The following TRRAP variants were observed in gnomAD, a reference collection of about 807,000 sequenced individuals.
TRRAP encodes transformation/transcription domain associated protein, also known as transformation/transcription domain-associated protein.
In TRRAP, 41 loss-of-function variants were observed where a neutral mutation model predicts 438.8. That is an observed-to-expected ratio of 0.09 (90% CI 0.07 to 0.12). The LOEUF (loss-of-function observed/expected upper bound fraction) is 0.12, where lower values mean the gene tolerates loss of function less well. Among genes scored for constraint, TRRAP ranks in the 10% least tolerant of loss-of-function variants. TRRAP has a pLI of 1.00. For synonymous variants in TRRAP, 1,994 were observed against 1,962.9 expected (o/e 1.02, Z -0.42); for missense variants, 3,122 against 5,055.1 (o/e 0.62, Z 11.60).
chr7:98,908,578 T>C lies in TRRAP; in HGVS notation c.1116-150T>C. 1.5e-6 allele frequency: 1 copy of C among 653,550 alleles called. No homozygotes were observed. The allele number at this position is 653,550 out of a possible 1,614,324, so 40.5% of individuals were successfully genotyped here. On this transcript the variant is annotated intron_variant, in intron 13 of 72. Coordinates refer to ENST00000456197, the MANE Select transcript of TRRAP (RefSeq NM_001375524.1). The surrounding 1 kb of genome is among the most constrained non-coding windows in gnomAD (Gnocchi z 4.1). ...AACTTGAGCCCTCTTCTGTCATGTA[T>C]CTGGGAGAGAGTAATGTGGTGAAAA... is the stretch of plus-strand genomic sequence containing the variant.
intron 18 of TRRAP, among the ~76,000 whole-genome samples, chr7:98,915,338 G>A (rs982287227): frequency 6.6e-6 from 1 of 151,990 alleles, no homozygotes; most frequent in African/African-American, 2.4e-5. Context: ...GATTACCAGC[G>A]TGTGCCACCA....
chr7:98,893,902 A>T lies in TRRAP; in HGVS notation c.450+21A>T, dbSNP rs1339475695. ...AAGAAGTAAGTTGTTTAAAATCCTT[A>T]TAGCATTTATAAAGTGTGTCAACAT... On this transcript the variant is annotated intron_variant, in intron 6 of 72. Transcript: ENST00000456197. 3.7e-6 allele frequency: 6 copies of T among 1,608,672 alleles called. No individual in the cohort carries two copies. The African/African-American group carries it at 6.7e-5, about 18-fold the overall frequency.
chr7:98,900,835 A>C (rs557519492), intron 11 of TRRAP, 115 bp downstream of exon 11: 1 of 777,514 alleles, frequency 1.3e-6, no homozygotes, highest in African/African-American at 1.8e-5. Flanking sequence ...CATTACTAAC[A>C]CATCAAAATA....
At chr7:98,928,940 A>AT (rs782385931) in intron 23 of TRRAP, among the ~76,000 whole-genome samples, 1,435 of 128,000 alleles carry the variant, frequency 0.011, 25 homozygotes, top group African/African-American at 0.034. Context: ...CGCCCGGCTA[A>AT]TTTTTTTTTT....
chr7:98,900,759 G>A (rs1796434533), intron 11 of TRRAP, 39 bp downstream of exon 11: 2 of 1,540,966 alleles, frequency 1.3e-6, no homozygotes, highest in East Asian at 2.2e-5. Flanking sequence ...TATTGAGATA[G>A]TTTACATACA....
At chr7:99,004,131 A>C in intron 67 of TRRAP, 59 bp from the exon 68 acceptor site, 2 of 1,476,268 alleles carry the variant, frequency 1.4e-6, no homozygotes, top group Non-Finnish European at 9.2e-7. Context: ...CGTTTTTTGC[A>C]GTGTGTTAGA....
intron 67 of TRRAP, chr7:98,999,811 C>T (rs1304634486): frequency 1.4e-5 from 7 of 508,530 alleles, no homozygotes; most frequent in East Asian, 3.5e-5. Context: ...TGGCAAATCC[C>T]GATCGATGCT....
At chr7:98,974,515 G>T (rs1239359669) in intron 53 of TRRAP, among the ~76,000 whole-genome samples, 1 of 152,112 alleles carries the variant, frequency 6.6e-6, no homozygotes, top group African/African-American at 2.4e-5. Context: ...CCACCACGGG[G>T]TCCTCACCCC....
chr7:98,921,409 C>G (rs1789789872), intron 20 of TRRAP, among the ~76,000 whole-genome samples: 1 of 151,998 alleles, frequency 6.6e-6, no homozygotes, highest in African/African-American at 2.4e-5. Flanking sequence ...GAGTCTCGCC[C>G]TTGTCACCCG....
intron 20 of TRRAP, among the ~76,000 whole-genome samples, chr7:98,918,332 G>A (rs1277977945): frequency 6.8e-6 from 1 of 147,692 alleles, no homozygotes; most frequent in Non-Finnish European, 1.5e-5. Context: ...CCGGGTTCAA[G>A]CAATTCTTCT....
rs782657245 is a variant in TRRAP at position 98,955,236 on chromosome 7, A to G, written c.5869A>G (p.Ile1957Val). 24 of 1,614,172 alleles carry G rather than the reference A, an allele frequency of 1.5e-5. No homozygotes were observed. The highest frequency in any genetic ancestry group is 1.9e-5 in the Non-Finnish European group (23 of 1,180,002). The change falls in exon 41 of 73, where the codon ATT becomes GTT. Residue 1957 changes from isoleucine (I) to valine (V), a missense_variant. By Grantham distance (29) the Ile-to-Val change is conservative. This residue lies in a region of TRRAP where 35 missense variants were observed against 104.9 expected (regional missense o/e 0.33). Transcript: ENST00000456197. The part of the protein sequence containing the change: ...QMLTHWTRKI[I>V]VEEGHTVPQL... ...GCTGACCCACTGGACCCGGAAGATC[A>G]TTGTGGAGGAGGGGCACACCGTCCC...
chr7:99,011,383 AACG>A lies in TRRAP; in HGVS notation c.11189_11191del (p.Asp3730del). 1 of 1,614,200 alleles carries A rather than the reference AACG, an allele frequency of 6.2e-7. No individual in the cohort carries two copies. Among genetic ancestry groups the A allele is most frequent in the Middle Eastern group, 1.6e-4 (1 of 6,062 alleles). ...TGTTGCCTACTTTCGATTTGACATA[AACG>A]ACGCGACTGGAGACCTGGATGCCAA... On this transcript the variant is annotated inframe_deletion, in exon 72 of 73. Transcript: ENST00000456197. The surrounding 1 kb of genome is among the most constrained non-coding windows in gnomAD (Gnocchi z 7.1).
intron 50 of TRRAP, 34 bp downstream of exon 50, chr7:98,967,196 T>C: frequency 6.3e-7 from 1 of 1,599,988 alleles, no homozygotes; most frequent in South Asian, 1.1e-5. Flanking sequence ...ACTACATATA[T>C]TGGTCCTTAA....
At chr7:98,980,053 A>G (rs922529787) in intron 58 of TRRAP, among the ~76,000 whole-genome samples, 3 of 152,232 alleles carry the variant, frequency 2.0e-5, no homozygotes, top group Non-Finnish European at 4.4e-5. Context: ...ACCCTGTGAC[A>G]TTGGTGCCAA....
chr7:98,891,533 G>T (rs1467650289), intron 4 of TRRAP, among the ~76,000 whole-genome samples: 34 of 134,474 alleles, frequency 2.5e-4, no homozygotes, highest in African/African-American at 9.5e-4. Context: ...TCAGCATGTA[G>T]CTCTTTTTTT....
chr7:98,886,431 G>GAGATATAGATATCTAGAT (rs1374264769), intron 3 of TRRAP, among the ~76,000 whole-genome samples: 4 of 151,654 alleles, frequency 2.6e-5, no homozygotes, highest in African/African-American at 7.3e-5. Context: ...GATATCTAGA[G>GAGATATAGATATCTAGAT]AGATATAGAT....
chr7:98,966,395 C>T (rs1159298177), intron 49 of TRRAP, among the ~76,000 whole-genome samples: 3 of 151,922 alleles, frequency 2.0e-5, no homozygotes, highest in South Asian at 4.1e-4. Flanking sequence ...TGGCTTTGCT[C>T]CTCTTAAAAT....
At chr7:98,950,305 T>C (rs1791276167) in intron 38 of TRRAP, 43 bp downstream of exon 38, 1 of 1,599,650 alleles carries the variant, frequency 6.3e-7, no homozygotes, top group African/African-American at 1.4e-5. Context: ...GGGTATTTGG[T>C]CTGGTTTTCT....
intron 40 of TRRAP, among the ~76,000 whole-genome samples, chr7:98,954,308 G>A (rs782239073): frequency 2.6e-5 from 4 of 152,238 alleles, no homozygotes; most frequent in African/African-American, 7.2e-5. Flanking sequence ...TAATGTCTCC[G>A]TGTGAGAATT....
Sources: gnomAD v4.1 joint callset for allele counts (sites outside exome capture counted in the v4.1 genomes callset) on GRCh38, gnomAD v4.1.1 for gene constraint, gnomAD v4.1.1 regional missense constraint, Gnocchi (gnomAD v3.1) non-coding constraint, MANE v1.5 for transcripts, NCBI Gene and HGNC (gene_info 2026-07-23, HGNC 2026-07-21) for gene names.